The following ABCB7 variants were observed in gnomAD, a reference collection of about 807,000 sequenced individuals.
The protein encoded by ABCB7 is ATP binding cassette subfamily B member 7.
ABCB7 carries 7 observed loss-of-function variants against 54.4 expected under a neutral mutation model. The observed-to-expected ratio is 0.13, with a 90% CI of 0.07 to 0.24. The LOEUF is 0.24. ABCB7 is among the 10% of genes least tolerant of loss of function. The pLI is 1.00. For missense variants in ABCB7, 356 were observed against 570.4 expected, an observed-to-expected ratio of 0.62 and a Z score of 3.83; for synonymous variants, 218 against 207.1, an observed-to-expected ratio of 1.05 and a Z score of -0.45.
chrX:75,064,938 T>C (rs1299217656), intron 13 of ABCB7, 132 bp downstream of exon 13: 2 of 736,666 alleles, frequency 2.7e-6, no homozygotes, highest in Non-Finnish European at 4.1e-6. Context: ...AGGAGATTAG[T>C]AACCCAATCA....
intron 14 of ABCB7, among the ~76,000 whole-genome samples, chrX:75,060,944 C>T (rs986398167): frequency 1.4e-4 from 16 of 111,804 alleles, no homozygotes; most frequent in African/African-American, 3.9e-4. Context: ...ATATATTCAG[C>T]TATACTTGGA....
chrX:75,055,771 A>G (rs1345964645), intron 15 of ABCB7, among the ~76,000 whole-genome samples: 1 of 110,268 alleles, frequency 9.1e-6, no homozygotes, highest in African/African-American at 3.3e-5. Flanking sequence ...TGACATTGAT[A>G]TTTCTAAAAT....
In ABCB7 at chrX:75,099,013, C is replaced by T; in HGVS notation, c.382G>A (p.Val128Met). 8.3e-7 allele frequency: 1 copy of T among 1,210,302 alleles called. No individual in the cohort carries two copies. The highest frequency in any genetic ancestry group is 1.8e-5 in the South Asian group (1 of 56,962). Residue 128 changes from valine (V) to methionine (M), a missense_variant, in exon 4 of 16, where the codon GTG (valine) becomes ATG (methionine). By Grantham distance (21) the Val-to-Met change is conservative (BLOSUM62 1). This residue lies in a region of ABCB7 where 241 missense variants were observed against 470.9 expected (regional missense o/e 0.51). Coordinates refer to ENST00000373394, the MANE Select transcript of ABCB7 (RefSeq NM_001271696.3). ...RKIIKAMLSY[V>M]WPKDRPDLRA... The stretch of plus-strand genomic sequence containing the variant: ...AGATCTGGCCTGTCTTTGGGCCACA[C>T]ATAAGAAAGCATTGCTTTTATGATT...
intron 4 of ABCB7, among the ~76,000 whole-genome samples, chrX:75,094,775 CTATGA>C (rs1423567447): frequency 9.0e-6 from 1 of 110,600 alleles, no homozygotes; most frequent in Non-Finnish European, 1.9e-5. Flanking sequence ...TATGATACTC[CTATGA>C]TATATGTATA....
intron 1 of ABCB7, among the ~76,000 whole-genome samples, chrX:75,139,853 CG>C: frequency 9.0e-6 from 1 of 111,358 alleles, no homozygotes; most frequent in East Asian, 2.8e-4. Context: ...AAAAGTTCTG[CG>C]TATTTTAATG....
chrX:75,092,742 T>C (rs1055529530), intron 4 of ABCB7, among the ~76,000 whole-genome samples: 1 of 111,453 alleles, frequency 9.0e-6, no homozygotes, highest in African/African-American at 3.3e-5. Flanking sequence ...AATTTAAAAA[T>C]GGGCAAAAGA....
intron 15 of ABCB7, among the ~76,000 whole-genome samples, chrX:75,056,302 A>T (rs1381853797): frequency 8.9e-6 from 1 of 111,815 alleles, no homozygotes; most frequent in Non-Finnish European, 1.9e-5. Flanking sequence ...CTGAATTTGT[A>T]ATTCCTTTTA....
At chrX:75,112,761 C>A in intron 3 of ABCB7, 125 bp downstream of exon 3, 3 of 398,622 alleles carry the variant, frequency 7.5e-6, no homozygotes, top group Non-Finnish European at 8.6e-6. Flanking sequence ...TTTTTTTTTT[C>A]ATTAGAGAAC....
At chrX:75,103,691 C>T (rs147416160) in intron 3 of ABCB7, among the ~76,000 whole-genome samples, 1,733 of 109,353 alleles carry the variant, frequency 0.016, 35 homozygotes, top group African/African-American at 0.055. Context: ...CTTGCACCTC[C>T]TTGGTTAGAT....
At chrX:75,068,953 A>G in intron 12 of ABCB7, 54 bp downstream of exon 12, 1 of 1,161,376 alleles carries the variant, frequency 8.6e-7, no homozygotes, top group Non-Finnish European at 1.2e-6. Context: ...CTAGTTACGG[A>G]TTGATCAACC....
At chrX:75,105,992 A>C (rs1352269262) in intron 3 of ABCB7, among the ~76,000 whole-genome samples, 3 of 110,781 alleles carry the variant, frequency 2.7e-5, no homozygotes, top group African/African-American at 9.8e-5. Flanking sequence ...ATTAACTAAG[A>C]TCTAACTATA....
intron 1 of ABCB7, among the ~76,000 whole-genome samples, chrX:75,142,992 T>C (rs2082065182): frequency 8.9e-6 from 1 of 112,538 alleles, no homozygotes; most frequent in African/African-American, 3.2e-5. Flanking sequence ...AGTTTGATTT[T>C]ACTGTTTTTA....
chrX:75,121,410 G>A (rs1287643090), intron 1 of ABCB7, among the ~76,000 whole-genome samples: 2 of 110,787 alleles, frequency 1.8e-5, no homozygotes, highest in Admixed American at 1.9e-4. Flanking sequence ...AGTAAAAATC[G>A]GAGACTGGAG....
At chrX:75,132,190 G>A (rs1418825596) in intron 1 of ABCB7, among the ~76,000 whole-genome samples, 2 of 112,059 alleles carry the variant, frequency 1.8e-5, no homozygotes, top group African/African-American at 3.2e-5. Context: ...CAGTACTACC[G>A]GCCTTGCTGC....
At chrX:75,146,636 G>A (rs1320556809) in intron 1 of ABCB7, among the ~76,000 whole-genome samples, 1 of 111,823 alleles carries the variant, frequency 8.9e-6, no homozygotes, top group African/African-American at 3.3e-5. Context: ...ATTGAAACTG[G>A]AGCCTTCCTT....
At chrX:75,094,028 ATATATATATATATATATATATATATC>A (rs1382512084) in intron 4 of ABCB7, among the ~76,000 whole-genome samples, 4 of 25,966 alleles carry the variant, frequency 1.5e-4, no homozygotes, top group East Asian at 9.8e-4. Context: ...ACATATATAT[ATATATATATATATATATATATATATC>A]TATCTTATTA....
At chrX:75,106,876 T>A (rs1344273748) in intron 3 of ABCB7, among the ~76,000 whole-genome samples, 1 of 111,184 alleles carries the variant, frequency 9.0e-6, no homozygotes, top group Non-Finnish European at 1.9e-5. Flanking sequence ...TTAACAACTA[T>A]CTACACAGAA....
intron 1 of ABCB7, among the ~76,000 whole-genome samples, chrX:75,142,433 C>T (rs2082060480): frequency 9.0e-6 from 1 of 111,697 alleles, no homozygotes; most frequent in Non-Finnish European, 1.9e-5. Context: ...TCCACAGATG[C>T]GGAACCCATG....
intron 1 of ABCB7, among the ~76,000 whole-genome samples, chrX:75,122,407 T>C (rs1381279507): frequency 1.5e-5 from 1 of 68,235 alleles, no homozygotes; most frequent in Admixed American, 2.4e-4. Flanking sequence ...GAAATAACCA[T>C]AAAAATGGGC....
Sources: gnomAD v4.1 joint callset for allele counts (sites outside exome capture counted in the v4.1 genomes callset) on GRCh38, gnomAD v4.1.1 for gene constraint, gnomAD v4.1.1 regional missense constraint, MANE v1.5 for transcripts, NCBI Gene and HGNC (gene_info 2026-07-23, HGNC 2026-07-21) for gene names.